Variants in SLFN14 observed in about 807,000 individuals in gnomAD.
SLFN14 encodes protein SLFN14.
SLFN14 carries 47 observed loss-of-function variants against 58.6 expected under a neutral mutation model. That is an observed-to-expected ratio of 0.80 (90% CI 0.64 to 1.02). The LOEUF (loss-of-function observed/expected upper bound fraction) is 1.02. Among genes scored for constraint, SLFN14 ranks in the 50% least tolerant of loss-of-function variants. SLFN14 has a pLI of 0.00. For synonymous variants in SLFN14, 390 were observed against 387.3 expected, an observed-to-expected ratio of 1.01 and a Z score of -0.08; for missense variants, 967 against 1,078.4, an observed-to-expected ratio of 0.90 and a Z score of 1.45.
At chr17:35,559,954 G>T (rs2072685643) in intron 1 of SLFN14, among the ~76,000 whole-genome samples, 149 bp from the exon 2 acceptor site, 7 of 152,170 alleles carry the variant, frequency 4.6e-5, no homozygotes, top group Admixed American at 4.6e-4. Context: ...GTGTTGGAAA[G>T]GACTTTAAAG....
chr17:35,553,526 T>G, intron 4 of SLFN14, 82 bp from the exon 5 acceptor site: 2 of 1,062,348 alleles, frequency 1.9e-6, no homozygotes, highest in Non-Finnish European at 2.7e-6. Context: ...AAAAAAATGA[T>G]ACCTGGTGCA....
intron 1 of SLFN14, among the ~76,000 whole-genome samples, 22 bp downstream of exon 1, chr17:35,560,745 G>GC (rs1284593296): frequency 2.3e-5 from 3 of 128,012 alleles, no homozygotes; most frequent in Admixed American, 1.8e-4. Flanking sequence ...ATATTTTTAA[G>GC]AATTTTTTTT....
Position 35,557,743 on chromosome 17 carries a change from A to C in SLFN14, c.320T>G (p.Ile107Ser), listed in dbSNP as rs1392111906. 1 of 1,551,724 alleles carries C rather than the reference A, an allele frequency of 6.4e-7. No individual in the cohort carries two copies. The highest frequency in any genetic ancestry group is 2.0e-5 in the Admixed American group (1 of 51,010). Reference sequence around the variant, plus strand: ...ATCTGGGCTCCATGACTTCACAAAAATCAGGAGATTGTGCCCCTGCTGCAT... The same window carrying C: ...ATCTGGGCTCCATGACTTCACAAAACTCAGGAGATTGTGCCCCTGCTGCAT... ...DYMQQGHNLL[I>S]FVKSWSPDVF... Residue 107 changes from isoleucine (I) to serine (S), a missense_variant, in exon 3 of 6, where the codon ATT (isoleucine) becomes AGT (serine). Physicochemically the swap from Ile to Ser is moderately radical, Grantham distance 142 (BLOSUM62 -2). Coordinates refer to ENST00000674182, the MANE Select transcript of SLFN14 (RefSeq NM_001129820.2).
chr17:35,556,307 G>A (rs1459187269), intron 3 of SLFN14, among the ~76,000 whole-genome samples: 1 of 152,096 alleles, frequency 6.6e-6, no homozygotes, highest in Non-Finnish European at 1.5e-5. Flanking sequence ...CAAAGTGCTA[G>A]GACTGCGCCC....
intron 4 of SLFN14, among the ~76,000 whole-genome samples, 162 bp downstream of exon 4, chr17:35,554,414 T>A (rs1054475952): frequency 6.8e-6 from 1 of 146,948 alleles, no homozygotes; most frequent in Non-Finnish European, 1.5e-5. Flanking sequence ...ATATATATAT[T>A]ATATATATAA....
Position 35,548,701 on chromosome 17 carries a change from T to C in SLFN14, c.2277A>G (p.Pro759=). 1.3e-6 allele frequency: 2 copies of C among 1,551,766 alleles called. No homozygotes were observed. The highest frequency in any genetic ancestry group is 2.4e-5 in the East Asian group (1 of 40,932). ...IKENPPSNMS[P]DTLALFSETA... is the part of the protein sequence containing the mutation. Reference sequence around the variant, plus strand: ...TCTCGCTGAACAATGCTAATGTGTCTGGAGACATGTTGGAGGGAGGATTTT... The same window carrying C: ...TCTCGCTGAACAATGCTAATGTGTCCGGAGACATGTTGGAGGGAGGATTTT... The change falls in exon 6 of 6, where the codon CCA becomes CCG. Residue 759 remains proline (P), a synonymous_variant. Transcript: ENST00000674182.
At position 35,557,989 on chromosome 17, in the gene SLFN14, C is replaced by A; in HGVS notation, c.74G>T (p.Gly25Val). The change falls in exon 3 of 6, where the codon GGA becomes GTA. Residue 25 changes from glycine (G) to valine (V), a missense_variant. Coordinates refer to ENST00000674182, the MANE Select transcript of SLFN14 (RefSeq NM_001129820.2). ...VIVDVGRVIF[G>V]EENRKKMTNS... ...GGTCATCTTCTTCCTGTTTTCTTCT[C>A]CAAAAATCACTCTGCCCACATCTAC... The A allele has an allele frequency of 6.4e-7, 1 of 1,551,618 alleles. No homozygotes were observed. The highest frequency in any genetic ancestry group is 8.7e-7 in the Non-Finnish European group (1 of 1,146,984).
Position 35,557,640 on chromosome 17 carries a change from C to T in SLFN14, c.423G>A (p.Leu141=). Residue 141 remains leucine (L), a synonymous_variant, in exon 3 of 6, where the codon TTG becomes TTA. Coordinates refer to ENST00000674182, the MANE Select transcript of SLFN14 (RefSeq NM_001129820.2). ...GAAGCTCCAGGGCACTGCTAGCACT[C>T]AAGTTGATAGCAGAAGTCACATCTC... ...YRRDVTSAIN[L]SASSALELLR... is the part of the protein sequence containing the mutation. 6.4e-7 allele frequency: 1 copy of T among 1,551,694 alleles called. No homozygotes were observed. Among genetic ancestry groups the T allele is most frequent in the Non-Finnish European group, 8.7e-7 (1 of 1,146,986 alleles).
At chr17:35,554,404 ATATATATAT>A (rs2072629016) in intron 4 of SLFN14, among the ~76,000 whole-genome samples, 163 bp downstream of exon 4, 1 of 147,172 alleles carries the variant, frequency 6.8e-6, no homozygotes, top group Admixed American at 6.8e-5. Flanking sequence ...GTTTTCAGTC[ATATATATAT>A]TATATATATA....
intron 4 of SLFN14, 93 bp downstream of exon 4, chr17:35,554,483 T>C: frequency 1.8e-6 from 2 of 1,118,444 alleles, no homozygotes; most frequent in South Asian, 3.5e-5. Flanking sequence ...TGACCTTCCC[T>C]AAGGAGAAAC....
chr17:35,557,063 T>G lies in SLFN14; in HGVS notation c.1000A>C (p.Asn334His). 12 of 1,551,678 alleles carry G rather than the reference T, an allele frequency of 7.7e-6. No individual in the cohort carries two copies. Among genetic ancestry groups the G allele is most frequent in the Non-Finnish European group, 1.0e-5 (12 of 1,146,992 alleles). ...EAPDSWIMKD[N>H]SVTRLTAEQW... ...TCAGCTGTCAGCCGTGTGACAGAAT[T>G]GTCTTTCATGATCCAGGAATCTGGG... Residue 334 changes from asparagine (N) to histidine (H), a missense_variant, in exon 3 of 6, where the codon AAT becomes CAT. Transcript: ENST00000674182.
chr17:35,548,157 A>T lies in SLFN14; in HGVS notation c.*82T>A. 2 of 1,304,890 alleles carry T rather than the reference A, an allele frequency of 1.5e-6. No homozygotes were observed. Among genetic ancestry groups the T allele is most frequent in the Non-Finnish European group, 1.0e-6 (1 of 962,572 alleles). 80.8% of individuals were successfully genotyped at this position (1,304,890 alleles called of 1,614,324 possible). A position where few individuals can be genotyped will look rare whatever the true frequency, so the allele number is the denominator to read the frequency against. On this transcript the variant is annotated 3_prime_UTR_variant, in exon 6 of 6. Transcript: ENST00000674182. ...GATGTGCCTTGATTTCCTCACTTGT[A>T]ATATTAAAATGGAGTCACTGCTACC... is the stretch of plus-strand genomic sequence containing the variant.
chr17:35,559,018 T>C (rs759433530), intron 2 of SLFN14, among the ~76,000 whole-genome samples: 1 of 151,028 alleles, frequency 6.6e-6, no homozygotes, highest in Non-Finnish European at 1.5e-5. Context: ...GAGACCAGCG[T>C]GGACAACATA....
intron 5 of SLFN14, among the ~76,000 whole-genome samples, chr17:35,551,252 GA>G (rs1337582282): frequency 6.6e-6 from 1 of 152,182 alleles, no homozygotes; most frequent in Non-Finnish European, 1.5e-5. Context: ...TGACACTCTT[GA>G]AAAGACTGAC....
At position 35,557,870 on chromosome 17, in the gene SLFN14, C is replaced by G. The variant is rs1390173158; in HGVS notation, c.193G>C (p.Asp65His). 6.4e-7 allele frequency: 1 copy of G among 1,551,702 alleles called. No individual in the cohort carries two copies. The highest frequency in any genetic ancestry group is 2.0e-5 in the Admixed American group (1 of 50,998). Residue 65 changes from aspartate to histidine, a missense_variant, in exon 3 of 6, where the codon GAT (aspartate) becomes CAT (histidine). Asp to His is a moderately conservative substitution (Grantham distance 81). Transcript: ENST00000674182. ...CATTGGTAACTATAGGTTTTATCAT[C>G]AATCTCTGCTTTGATCACACCACCT... is the stretch of plus-strand genomic sequence containing the variant. ...SGGGVIKAEI[D>H]DKTYSYQCHG... is the part of the protein sequence containing the mutation.
chr17:35,548,404 A>ACTTCC lies in SLFN14; in HGVS notation c.2569_2573dup (p.Ser858ArgfsTer7). On this transcript the variant is annotated frameshift_variant, in exon 6 of 6. Coordinates refer to ENST00000674182, the MANE Select transcript of SLFN14 (RefSeq NM_001129820.2). LOFTEE classifies it high-confidence loss of function. Reference sequence around the variant, plus strand: ...GCTGAATACTGTCTAAAACAATGTGACTTCCCCAAACACCGGTGGCCGGGC... The same window carrying ACTTCC: ...GCTGAATACTGTCTAAAACAATGTGACTTCCCTTCCCCAAACACCGGTGGCCGGGC... The ACTTCC allele has an allele frequency of 1.3e-6, 2 of 1,551,684 alleles. No homozygotes were observed. Among genetic ancestry groups the ACTTCC allele is most frequent in the Non-Finnish European group, 1.7e-6 (2 of 1,146,984 alleles).
chr17:35,553,220 T>G lies in SLFN14; in HGVS notation c.1414A>C (p.Ile472Leu). Residue 472 changes from isoleucine to leucine, a missense_variant, in exon 5 of 6, where the codon ATC becomes CTC. By Grantham distance (5) the Ile-to-Leu change is conservative. Coordinates refer to ENST00000674182, the MANE Select transcript of SLFN14 (RefSeq NM_001129820.2). ...CCAGGCCAATTGGGGTCTATTAAGA[T>G]TGTATAGAGTACCACGGGGCTGTTA... ...AVNSPVVLYT[I>L]LIDPNWPGGL... 6.4e-7 allele frequency: 1 copy of G among 1,551,658 alleles called. No homozygotes were observed. Among genetic ancestry groups the G allele is most frequent in the Non-Finnish European group, 8.7e-7 (1 of 1,146,978 alleles).
chr17:35,558,987 G>A (rs76578784), intron 2 of SLFN14, among the ~76,000 whole-genome samples: 8,282 of 151,966 alleles, frequency 0.054, 363 homozygotes, highest in East Asian at 0.15. Context: ...GATGTGAGAG[G>A]ATTGCTTTCG....
rs1355290409 is a variant in SLFN14 at position 35,554,563 on chromosome 17, C to G, written c.1189+13G>C. The G allele has an allele frequency of 3.7e-5, 56 of 1,522,608 alleles. No homozygotes were observed. The highest frequency in any genetic ancestry group is 4.8e-5 in the Non-Finnish European group (54 of 1,135,088). 94.3% of individuals were successfully genotyped at this position (1,522,608 alleles called of 1,614,324 possible). ...AACAAATAGTCCCCTAAGTTGAAAT[C>G]AAGAGGGAATACCTGGAAACAAATG... On this transcript the variant is annotated intron_variant, in intron 4 of 5. Coordinates refer to ENST00000674182, the MANE Select transcript of SLFN14 (RefSeq NM_001129820.2).
Sources: allele counts gnomAD v4.1 joint callset (sites outside exome capture counted in the v4.1 genomes callset), GRCh38; gene constraint gnomAD v4.1.1; transcripts MANE v1.5; gene names NCBI Gene and HGNC (gene_info 2026-07-23, HGNC 2026-07-21).